RNF216: variants seen among roughly 807,000 people sequenced by gnomAD.
RNF216 encodes ring finger protein 216.
A neutral mutation model predicts 110.8 loss-of-function variants in RNF216; 72 were observed. That is an observed-to-expected ratio of 0.65 (90% CI 0.54 to 0.79). The LOEUF is 0.79. Ranked by LOEUF, RNF216 falls within the 30% of genes least tolerant of loss-of-function variation. The probability of loss-of-function intolerance (pLI) is 0.00; values close to 1 mark genes in which losing one functional copy is unlikely to be tolerated. For synonymous variants in RNF216, 495 were observed against 407.5 expected, an observed-to-expected ratio of 1.21 and a Z score of -2.59; for missense variants, 1,342 against 1,141.2, an observed-to-expected ratio of 1.18 and a Z score of -2.54.
chr7:5,737,897 G>A (rs1159995789), intron 5 of RNF216, among the ~76,000 whole-genome samples: 3 of 151,992 alleles, frequency 2.0e-5, no homozygotes, highest in African/African-American at 7.3e-5. Context: ...AGACCAGCCT[G>A]ACCAACATGA....
intron 2 of RNF216, among the ~76,000 whole-genome samples, chr7:5,759,175 T>C (rs1562468381): frequency 6.6e-6 from 1 of 152,136 alleles, no homozygotes; most frequent in African/African-American, 2.4e-5. Context: ...CTTCCCCTTT[T>C]CCTTCTGTCA....
intron 1 of RNF216, among the ~76,000 whole-genome samples, chr7:5,779,163 T>C (rs991113687): frequency 6.6e-6 from 1 of 152,210 alleles, no homozygotes; most frequent in Non-Finnish European, 1.5e-5. Context: ...CATTAAATAG[T>C]AGCTGGTAGT....
chr7:5,763,542 A>G (rs1796040009), intron 1 of RNF216, among the ~76,000 whole-genome samples: 2 of 152,096 alleles, frequency 1.3e-5, no homozygotes, highest in South Asian at 2.1e-4. Flanking sequence ...AGGCAGGAGA[A>G]TAACTTGAAC....
chr7:5,678,046 T>C (rs1584434534), intron 13 of RNF216, among the ~76,000 whole-genome samples: 2 of 152,248 alleles, frequency 1.3e-5, no homozygotes, highest in South Asian at 4.1e-4. Flanking sequence ...CCTGTCTTCG[T>C]CTTGGTGGTA....
chr7:5,747,108 G>A (rs1795067264), intron 3 of RNF216, among the ~76,000 whole-genome samples: 1 of 152,142 alleles, frequency 6.6e-6, no homozygotes, highest in Non-Finnish European at 1.5e-5. Flanking sequence ...TACTAACTCT[G>A]AGTTGCCTTT....
chr7:5,701,257 G>A (rs1173441398), intron 13 of RNF216, among the ~76,000 whole-genome samples: 2 of 152,290 alleles, frequency 1.3e-5, no homozygotes, highest in African/African-American at 4.8e-5. Context: ...CCCTTTACAT[G>A]GCAGAACACT....
At chr7:5,750,159 A>C (rs1184640745) in intron 3 of RNF216, among the ~76,000 whole-genome samples, 3 of 152,218 alleles carry the variant, frequency 2.0e-5, no homozygotes, top group African/African-American at 7.2e-5. Context: ...CAAGGCTTTG[A>C]CTGGAATGCC....
intron 7 of RNF216, among the ~76,000 whole-genome samples, chr7:5,729,216 C>T (rs1393797040): frequency 3.3e-5 from 5 of 152,202 alleles, no homozygotes; most frequent in South Asian, 4.1e-4. Flanking sequence ...CATGTTTTTA[C>T]GGTCAAAGCA....
At chr7:5,716,436 A>T (rs1438425177) in intron 10 of RNF216, among the ~76,000 whole-genome samples, 1 of 152,162 alleles carries the variant, frequency 6.6e-6, no homozygotes, top group African/African-American at 2.4e-5. Context: ...CTCTAAAGTG[A>T]TATCTAAGTT....
intron 3 of RNF216, among the ~76,000 whole-genome samples, chr7:5,752,517 A>T (rs1402635805): frequency 6.6e-6 from 1 of 152,230 alleles, no homozygotes; most frequent in African/African-American, 2.4e-5. Flanking sequence ...AAGTGCAAGA[A>T]TATCCAGGAT....
chr7:5,652,246 G>C (rs1280070444), intron 14 of RNF216, among the ~76,000 whole-genome samples, 167 bp downstream of exon 14: 1 of 152,072 alleles, frequency 6.6e-6, no homozygotes, highest in Non-Finnish European at 1.5e-5. Context: ...TGAGGCTGCA[G>C]AGATGAGGAA....
intron 10 of RNF216, among the ~76,000 whole-genome samples, chr7:5,715,527 A>C (rs571319118): frequency 1.3e-5 from 2 of 152,304 alleles, no homozygotes; most frequent in Non-Finnish European, 2.9e-5. Flanking sequence ...TATAAACAGC[A>C]AGGATAAGGA....
intron 13 of RNF216, among the ~76,000 whole-genome samples, chr7:5,711,491 C>G (rs1168202425): frequency 6.6e-6 from 1 of 152,144 alleles, no homozygotes. Flanking sequence ...CTAAACACTT[C>G]CCACTTTACA....
At chr7:5,704,925 C>T (rs1393863156) in intron 13 of RNF216, among the ~76,000 whole-genome samples, 1 of 152,180 alleles carries the variant, frequency 6.6e-6, no homozygotes, top group East Asian at 1.9e-4. Flanking sequence ...CTGAAACATA[C>T]TGTAATCCAT....
At position 5,652,404 on chromosome 7, in the gene RNF216, G is replaced by C; in HGVS notation, c.2159+9C>G. 6.3e-7 allele frequency: 1 copy of C among 1,588,532 alleles called. No homozygotes were observed. Among genetic ancestry groups the C allele is most frequent in the Non-Finnish European group, 8.6e-7 (1 of 1,156,842 alleles). The stretch of plus-strand genomic sequence containing the variant: ...TCAGCCCATAGCCCCTCTGAATTCT[G>C]TTACTCACATAGAGGTACGGTACTT... On this transcript the variant is annotated intron_variant, in intron 14 of 16. Coordinates refer to ENST00000389902, the MANE Select transcript of RNF216 (RefSeq NM_207111.4).
At position 5,721,022 on chromosome 7, in the gene RNF216, C is replaced by A; in HGVS notation, c.1644+11G>T. On this transcript the variant is annotated intron_variant, in intron 9 of 16. Transcript: ENST00000389902. ...AGAAACACACCCCAAGACCAGAGCA[C>A]ATCTTCCTACCTCTGCCATCTCTTT... 6.2e-7 allele frequency: 1 copy of A among 1,614,050 alleles called. No individual in the cohort carries two copies. Among genetic ancestry groups the A allele is most frequent in the Admixed American group, 1.7e-5 (1 of 60,028 alleles).
At chr7:5,669,686 A>G (rs944068658) in intron 13 of RNF216, among the ~76,000 whole-genome samples, 1 of 152,154 alleles carries the variant, frequency 6.6e-6, no homozygotes, top group Non-Finnish European at 1.5e-5. Context: ...TGAGGTCAGG[A>G]GTTTTGAGAC....
chr7:5,626,401 A>C (rs1786703971), intron 15 of RNF216, among the ~76,000 whole-genome samples: 1 of 151,046 alleles, frequency 6.6e-6, no homozygotes, highest in East Asian at 1.9e-4. Flanking sequence ...GGCAGGCCTA[A>C]GAAAAAAGAC....
chr7:5,645,985 G>A (rs773271542), intron 14 of RNF216, among the ~76,000 whole-genome samples: 22 of 152,274 alleles, frequency 1.4e-4, no homozygotes, highest in Non-Finnish European at 2.2e-4. Context: ...GGCTTTCTGA[G>A]CATATTTAAG....
Sources: gnomAD v4.1 joint callset for allele counts (sites outside exome capture counted in the v4.1 genomes callset) on GRCh38, gnomAD v4.1.1 for gene constraint, MANE v1.5 for transcripts, NCBI Gene and HGNC (gene_info 2026-07-23, HGNC 2026-07-21) for gene names.